Variants in ACYP2 observed in about 807,000 individuals in gnomAD.
The protein encoded by ACYP2 is acylphosphatase 2.
A neutral mutation model predicts 11.2 loss-of-function variants in ACYP2; 12 were observed. The observed-to-expected ratio is 1.08, with a 90% confidence interval of 0.69 to 1.74. ACYP2 has a LOEUF of 1.74. Ranked by LOEUF, ACYP2 falls within the 40% of genes most tolerant of loss-of-function variation. The pLI, the probability that ACYP2 is intolerant of heterozygous loss-of-function variation, is 0.00. For missense variants in ACYP2, 134 were observed against 101.9 expected (o/e 1.31, Z -1.35); for synonymous variants, 43 against 32.2 (o/e 1.33, Z -1.13).
At chr2:54,086,005 G>A (rs181012642) in intron 4 of ACYP2, among the ~76,000 whole-genome samples, 243 of 152,178 alleles carry the variant, frequency 1.6e-3, no homozygotes, top group African/African-American at 5.1e-3. Flanking sequence ...ATGCAGTGGC[G>A]CAGTCTCGGC....
chr2:54,073,426 C>T (rs775829380), intron 4 of ACYP2, among the ~76,000 whole-genome samples: 1 of 151,988 alleles, frequency 6.6e-6, no homozygotes, highest in Admixed American at 6.6e-5. Context: ...AAGTACAAAA[C>T]TCTTGGAAGA....
chr2:54,191,666 G>C lies in ACYP2; in HGVS notation c.404+52918G>C, dbSNP rs1196327742. Among the ~76,000 whole-genome samples the C allele has an allele frequency of 3.3e-5, 5 of 152,194 alleles. No individual in the cohort carries two copies. In the East Asian group the frequency reaches 9.6e-4, roughly 29 times the overall value. ...AGTCACTGGCACAGGAGTAAATGCT[G>C]TGTAACTATTAACCATTATTATTAC... is the stretch of plus-strand genomic sequence containing the variant. On this transcript the variant is annotated intron_variant, in intron 6 of 6. Transcript: ENST00000607452.
intron 6 of ACYP2, among the ~76,000 whole-genome samples, chr2:54,241,838 C>A (rs1003010450): frequency 1.3e-5 from 2 of 152,134 alleles, no homozygotes; most frequent in African/African-American, 4.8e-5. Context: ...CGTGGTGAAA[C>A]CCTGCCTCTA....
chr2:54,143,081 G>T (rs1681691076), intron 6 of ACYP2: 1 of 152,034 alleles, frequency 6.6e-6, no homozygotes, highest in South Asian at 2.1e-4. Flanking sequence ...AGTCTATTGG[G>T]TTTTTAAAAA....
At chr2:54,057,130 A>T (rs1334213391) in intron 3 of ACYP2, 6 of 392,110 alleles carry the variant, frequency 1.5e-5, no homozygotes, top group Non-Finnish European at 2.2e-5. Context: ...CTTGAACCAT[A>T]AATTAGATTG....
chr2:54,116,759 A>G (rs1679829716), intron 4 of ACYP2, among the ~76,000 whole-genome samples: 1 of 152,078 alleles, frequency 6.6e-6, no homozygotes, highest in Admixed American at 6.6e-5. Context: ...TGAACAGGGG[A>G]GGGGAAGGGG....
At chr2:54,231,888 A>T (rs1287441675) in intron 6 of ACYP2, among the ~76,000 whole-genome samples, 3 of 152,182 alleles carry the variant, frequency 2.0e-5, no homozygotes, top group Admixed American at 1.3e-4. Flanking sequence ...GTACTAAGTG[A>T]TCTACATATG....
chr2:54,192,525 A>T (rs1025438130), intron 6 of ACYP2, among the ~76,000 whole-genome samples: 13 of 152,188 alleles, frequency 8.5e-5, no homozygotes, highest in African/African-American at 3.1e-4. Context: ...TTATTGATAT[A>T]AGTTTCTAAT....
intron 2 of ACYP2, among the ~76,000 whole-genome samples, chr2:54,039,374 C>T (rs1305991970): frequency 6.6e-6 from 1 of 151,792 alleles, no homozygotes; most frequent in African/African-American, 2.4e-5. Context: ...CTCAAGCAAC[C>T]TCTGCCTCCC....
intron 3 of ACYP2, chr2:54,051,122 C>A: frequency 1.5e-6 from 1 of 662,510 alleles, no homozygotes; most frequent in Non-Finnish European, 2.7e-6. Context: ...CATTGCAGTA[C>A]ACTGAACTCC....
At chr2:54,163,864 A>G (rs753521187) in intron 6 of ACYP2, among the ~76,000 whole-genome samples, 11 of 152,182 alleles carry the variant, frequency 7.2e-5, no homozygotes, top group Non-Finnish European at 1.0e-4. Context: ...CTCAAAAAAA[A>G]AAAGTTATCA....
At chr2:54,230,279 C>A (rs1439511897) in intron 6 of ACYP2, among the ~76,000 whole-genome samples, 1 of 152,194 alleles carries the variant, frequency 6.6e-6, no homozygotes, top group African/African-American at 2.4e-5. Context: ...AACCCCCGCT[C>A]TCTCTGAAGT....
intron 6 of ACYP2, among the ~76,000 whole-genome samples, chr2:54,185,213 G>A (rs115988946): frequency 0.013 from 1,921 of 152,218 alleles, 43 homozygotes; most frequent in African/African-American, 0.043. Context: ...GAATGGGCAG[G>A]TGACAGGATT....
At chr2:54,084,949 T>C (rs1045618582) in intron 4 of ACYP2, 1 of 152,178 alleles carries the variant, frequency 6.6e-6, no homozygotes, top group African/African-American at 2.4e-5. Flanking sequence ...GTGATGATGG[T>C]AATGTGATAA....
intron 2 of ACYP2, among the ~76,000 whole-genome samples, chr2:53,974,237 G>C (rs1671351599): frequency 6.6e-6 from 1 of 152,052 alleles, no homozygotes; most frequent in Non-Finnish European, 1.5e-5. Flanking sequence ...TTTAAATATG[G>C]ATGAAAAGGA....
intron 6 of ACYP2, among the ~76,000 whole-genome samples, chr2:54,276,278 T>C (rs1274168507): frequency 6.6e-6 from 1 of 152,190 alleles, no homozygotes; most frequent in Non-Finnish European, 1.5e-5. Context: ...TAAAAGTCTC[T>C]CACTCAAAAT....
chr2:54,142,865 A>G (rs1283168859), intron 6 of ACYP2: 5 of 152,134 alleles, frequency 3.3e-5, no homozygotes, highest in Admixed American at 1.3e-4. Flanking sequence ...TTTTCTTTAT[A>G]TAGGTTTTTG....
At chr2:54,081,895 C>T (rs549041826) in intron 4 of ACYP2, among the ~76,000 whole-genome samples, 46 of 152,308 alleles carry the variant, frequency 3.0e-4, no homozygotes, top group African/African-American at 1.1e-3. Context: ...ATCAGCTGAG[C>T]TGAGGTAACA....
intron 6 of ACYP2, among the ~76,000 whole-genome samples, chr2:54,260,547 G>A (rs577507598): frequency 9.4e-4 from 143 of 152,254 alleles, no homozygotes; most frequent in African/African-American, 3.2e-3. Context: ...GTTTAAGCTG[G>A]AGGACGGAAG....
Sources: allele counts gnomAD v4.1 joint callset (sites outside exome capture counted in the v4.1 genomes callset), GRCh38; gene constraint gnomAD v4.1.1; transcripts MANE v1.5; gene names NCBI Gene and HGNC (gene_info 2026-07-23, HGNC 2026-07-21).